The following POLN variants were observed in gnomAD, a reference collection of about 807,000 sequenced individuals.
POLN encodes the protein DNA polymerase N.
Under a neutral mutation model 113.5 loss-of-function variants are expected in POLN, and 108 were observed. That is an observed-to-expected ratio of 0.95 (90% CI 0.81 to 1.12). The LOEUF (loss-of-function observed/expected upper bound fraction) is 1.12, where lower values mean the gene tolerates loss of function less well. Among genes scored for constraint, POLN ranks in the 50% most tolerant of loss-of-function variants. The probability of loss-of-function intolerance (pLI) is 0.00; values close to 1 mark genes in which losing one functional copy is unlikely to be tolerated. For missense variants in POLN, 1,097 were observed against 1,077.1 expected, an observed-to-expected ratio of 1.02 and a Z score of -0.26; for synonymous variants, 386 against 391.5, an observed-to-expected ratio of 0.99 and a Z score of 0.17.
In POLN at chr4:2,072,036, T is replaced by C. The variant is rs766979565; in HGVS notation, c.*78A>G. The C allele has an allele frequency of 2.0e-6, 3 of 1,517,816 alleles. No homozygotes were observed. In the African/African-American group the frequency reaches 4.1e-5, roughly 21 times the overall value. 94.0% of individuals were successfully genotyped at this position (1,517,816 alleles called of 1,614,324 possible). ...CAAAGGGTTAATGCGTCCTGGGGCGTACAGAGCTGGTGACCTTGGGGAAGG... is the reference window on the plus strand; with the variant it reads ...CAAAGGGTTAATGCGTCCTGGGGCGCACAGAGCTGGTGACCTTGGGGAAGG... On this transcript the variant is annotated 3_prime_UTR_variant, in exon 26 of 26. Coordinates refer to ENST00000511885, the MANE Select transcript of POLN (RefSeq NM_181808.4).
intron 9 of POLN, among the ~76,000 whole-genome samples, chr4:2,175,060 G>C (rs1467707116): frequency 6.6e-6 from 1 of 152,098 alleles, no homozygotes; most frequent in Non-Finnish European, 1.5e-5. Flanking sequence ...CTGACCTCAA[G>C]TGATCTGCCC....
At position 2,196,758 on chromosome 4, in the gene POLN, A is replaced by G. The variant is rs555989615; in HGVS notation, c.908+1766T>C. On this transcript the variant is annotated intron_variant, in intron 6 of 25. Transcript: ENST00000511885. Reference sequence around the variant, plus strand: ...AGGAAAGGGACAGAAGGAAGTAAGGAAAAACCTTTGATAATGTTGGCCTGG... The same window carrying G: ...AGGAAAGGGACAGAAGGAAGTAAGGGAAAACCTTTGATAATGTTGGCCTGG... Among the ~76,000 whole-genome samples the G allele has an allele frequency of 3.9e-5, 6 of 152,314 alleles. No individual in the cohort carries two copies. In the South Asian group the frequency reaches 8.3e-4, roughly 21 times the overall value.
Position 2,232,657 on chromosome 4 carries a change from T to C in POLN, c.-12-3414A>G, listed in dbSNP as rs1734623740. The stretch of plus-strand genomic sequence containing the variant: ...CATTTTTCATTTTTTCATATTGTCT[T>C]ACCAAATAGAATTACACATGACATT... On this transcript the variant is annotated intron_variant, in intron 2 of 25. Transcript: ENST00000511885. 2.0e-5 allele frequency among the ~76,000 whole-genome samples: 3 copies of C among 151,568 alleles called. No individual in the cohort carries two copies. The South Asian group carries it at 6.2e-4, about 31-fold the overall frequency.
chr4:2,079,825 T>C (rs927410624), intron 23 of POLN: 9 of 967,496 alleles, frequency 9.3e-6, no homozygotes, highest in African/African-American at 3.5e-5. Flanking sequence ...CCTCAGGTGA[T>C]CCACCCGTCT....
At chr4:2,197,471 GAC>G (rs1733608865) in intron 6 of POLN, among the ~76,000 whole-genome samples, 1 of 152,152 alleles carries the variant, frequency 6.6e-6, no homozygotes, top group African/African-American at 2.4e-5. Context: ...CACTGACTAA[GAC>G]AGCCAGGCCA....
At chr4:2,157,439 T>G in intron 15 of POLN, among the ~76,000 whole-genome samples, 1 of 152,058 alleles carries the variant, frequency 6.6e-6, no homozygotes, top group South Asian at 2.1e-4. Flanking sequence ...AATATTAGAT[T>G]ATTTCGGCTG....
intron 16 of POLN, among the ~76,000 whole-genome samples, chr4:2,148,674 A>C (rs75723529): frequency 0.11 from 614 of 5,788 alleles, 9 homozygotes; most frequent in African/African-American, 0.14. Context: ...CCCCCCCCCA[A>C]AAAAAAAAAG....
At chr4:2,133,647 C>T in intron 16 of POLN, among the ~76,000 whole-genome samples, 1 of 152,172 alleles carries the variant, frequency 6.6e-6, no homozygotes, top group East Asian at 1.9e-4. Context: ...CTGTGGAAAA[C>T]AACTTTATTA....
intron 16 of POLN, among the ~76,000 whole-genome samples, chr4:2,154,415 G>T (rs992008892): frequency 6.6e-6 from 1 of 152,052 alleles, no homozygotes; most frequent in South Asian, 2.1e-4. Flanking sequence ...ATTCAAAGAA[G>T]AATAATTGTT....
At chr4:2,161,645 G>A (rs1056097687) in intron 13 of POLN, among the ~76,000 whole-genome samples, 8 of 152,240 alleles carry the variant, frequency 5.3e-5, no homozygotes, top group Admixed American at 5.2e-4. Flanking sequence ...AAAGGCTGAG[G>A]AGTGCGGGCG....
intron 12 of POLN, 79 bp from the exon 13 acceptor site, chr4:2,170,853 C>A: frequency 1.5e-6 from 2 of 1,292,778 alleles, no homozygotes; most frequent in South Asian, 1.2e-5. Flanking sequence ...AGAGCCCATG[C>A]CAACAGCCAG....
intron 19 of POLN, among the ~76,000 whole-genome samples, chr4:2,105,402 C>T (rs1004894749): frequency 9.9e-5 from 15 of 152,172 alleles, no homozygotes; most frequent in African/African-American, 3.6e-4. Flanking sequence ...TGAAAACCAT[C>T]CAACAGGCAT....
At chr4:2,162,257 C>T (rs970840550) in intron 13 of POLN, among the ~76,000 whole-genome samples, 1 of 152,128 alleles carries the variant, frequency 6.6e-6, no homozygotes, top group African/African-American at 2.4e-5. Flanking sequence ...GCCAGCAAGA[C>T]CACCAGCCCA....
rs983483096 is a variant in POLN at position 2,161,594 on chromosome 4, G to A, written c.1555-2383C>T. Among the ~76,000 whole-genome samples, 7 of 152,200 alleles carry A rather than the reference G, an allele frequency of 4.6e-5. No individual in the cohort carries two copies. In the East Asian group the frequency reaches 1.3e-3, roughly 29 times the overall value. ...TGCGGCTGGAGCCTCCCTGATGAGC[G>A]CCGCCCCCTGCTCCATGGCGCCCAG... On this transcript the variant is annotated intron_variant, in intron 13 of 25. Coordinates refer to ENST00000511885, the MANE Select transcript of POLN (RefSeq NM_181808.4).
intron 23 of POLN, chr4:2,079,687 C>A (rs1005267520): frequency 1.1e-6 from 1 of 873,514 alleles, no homozygotes; most frequent in Non-Finnish European, 1.4e-6. Flanking sequence ...TGGGTTCAAG[C>A]GATCCTCCTG....
chr4:2,159,146 T>A lies in POLN; in HGVS notation c.1611+9A>T, dbSNP rs1732514279. 6.3e-7 allele frequency: 1 copy of A among 1,594,100 alleles called. No individual in the cohort carries two copies. Among genetic ancestry groups the A allele is most frequent in the Non-Finnish European group, 8.6e-7 (1 of 1,162,450 alleles). The stretch of plus-strand genomic sequence containing the variant: ...CTTTTACCTTTTACGTACAAAAAAA[T>A]TAACTTACCTGCCTGTATTCCAAAA... On this transcript the variant is annotated intron_variant, in intron 14 of 25. Coordinates refer to ENST00000511885, the MANE Select transcript of POLN (RefSeq NM_181808.4).
chr4:2,210,962 T>A (rs901044398), intron 4 of POLN, among the ~76,000 whole-genome samples: 42 of 144,062 alleles, frequency 2.9e-4, no homozygotes, highest in Admixed American at 1.3e-3. Context: ...AATAAATAAA[T>A]AAAATAGTCC....
chr4:2,175,129 G>C (rs953986780), intron 9 of POLN, among the ~76,000 whole-genome samples: 1 of 152,114 alleles, frequency 6.6e-6, no homozygotes, highest in African/African-American at 2.4e-5. Flanking sequence ...CAACCAAAAA[G>C]CCTAAATTTT....
chr4:2,128,308 A>C, intron 18 of POLN, 81 bp from the exon 19 acceptor site: 1 of 776,298 alleles, frequency 1.3e-6, no homozygotes, highest in East Asian at 2.7e-5. Context: ...CCACCCTCAG[A>C]CTCTCCTGAC....
Sources: allele counts gnomAD v4.1 joint callset (sites outside exome capture counted in the v4.1 genomes callset), GRCh38; gene constraint gnomAD v4.1.1; transcripts MANE v1.5; gene names NCBI Gene and HGNC (gene_info 2026-07-23, HGNC 2026-07-21).